RYR3: variants seen among roughly 807,000 people sequenced by gnomAD.
The protein encoded by RYR3 is brain ryanodine receptor-calcium release channel.
RYR3 carries 207 observed loss-of-function variants against 584.3 expected under a neutral mutation model. The ratio of observed to expected loss-of-function variants is 0.35; its 90% CI spans 0.32 to 0.40. The LOEUF (loss-of-function observed/expected upper bound fraction) is 0.40, where lower values mean the gene tolerates loss of function less well. Among genes scored for constraint, RYR3 ranks in the 10% least tolerant of loss-of-function variants. The pLI is 1.00. For missense variants in RYR3, 5,616 were observed against 6,089.2 expected (o/e 0.92, Z 2.59); for synonymous variants, 2,416 against 2,248.5 (o/e 1.07, Z -2.11).
intron 49 of RYR3, among the ~76,000 whole-genome samples, chr15:33,737,526 A>C (rs1047787190): frequency 2.0e-5 from 3 of 152,202 alleles, no homozygotes; most frequent in African/African-American, 7.2e-5. Context: ...GCAGCATTTT[A>C]CTGTGCTAAC....
intron 21 of RYR3, 81 bp downstream of exon 21, chr15:33,628,656 T>C: frequency 1.2e-6 from 1 of 868,460 alleles, no homozygotes; most frequent in South Asian, 1.4e-5. Context: ...GCATGCCTAG[T>C]TTTCATTGCA....
At chr15:33,350,589 A>G (rs534555347) in intron 1 of RYR3, among the ~76,000 whole-genome samples, 1,751 of 152,002 alleles carry the variant, frequency 0.012, 19 homozygotes, top group Non-Finnish European at 0.019. Flanking sequence ...TCAAACTAGA[A>G]CTCAGGATTA....
At chr15:33,472,431 G>A in intron 1 of RYR3, among the ~76,000 whole-genome samples, 1 of 152,232 alleles carries the variant, frequency 6.6e-6, no homozygotes, top group East Asian at 1.9e-4. Flanking sequence ...TGACACTGAA[G>A]GACATGGAGG....
intron 1 of RYR3, among the ~76,000 whole-genome samples, chr15:33,413,724 C>G (rs1243079077): frequency 6.6e-6 from 1 of 152,242 alleles, no homozygotes; most frequent in Non-Finnish European, 1.5e-5. Context: ...CTGTTCCCCC[C>G]CGCTCAGCTC....
chr15:33,714,337 A>G (rs1236790892), intron 43 of RYR3, among the ~76,000 whole-genome samples: 2 of 152,220 alleles, frequency 1.3e-5, no homozygotes, highest in African/African-American at 2.4e-5. Flanking sequence ...TTAATTTACT[A>G]TTATTTCTTA....
chr15:33,456,035 TTC>T (rs1216825531), intron 1 of RYR3, among the ~76,000 whole-genome samples: 1 of 152,226 alleles, frequency 6.6e-6, no homozygotes, highest in African/African-American at 2.4e-5. Context: ...TAGTTCTGTA[TTC>T]TGTGTGTGAA....
chr15:33,858,967 TC>T (rs980240107), intron 99 of RYR3: 2 of 152,718 alleles, frequency 1.3e-5, no homozygotes, highest in African/African-American at 4.8e-5. Context: ...CAGCGTGTCT[TC>T]AGGCTGCCCC....
At chr15:33,524,127 C>G (rs979221339) in intron 3 of RYR3, among the ~76,000 whole-genome samples, 1 of 152,188 alleles carries the variant, frequency 6.6e-6, no homozygotes, top group Non-Finnish European at 1.5e-5. Context: ...CCTACACACA[C>G]ATACACACAC....
In RYR3 at chr15:33,601,506, C is replaced by T. The variant is rs760906719; in HGVS notation, c.1876C>T (p.Arg626Trp). Residue 626 changes from arginine to tryptophan, a missense_variant, in exon 17 of 104, where the codon CGG becomes TGG. Around this residue, in one of 9 missense-constraint regions of RYR3, gnomAD observed 1,284 missense variants for 1,344.6 expected, o/e 0.95. Transcript: ENST00000634891. ...QNLICDNLLPRRNLLLQTRLI... is the reference protein window; with the variant it reads ...QNLICDNLLPWRNLLLQTRLI... ...TCTGATCTGTGACAACTTGCTGCCC[C>T]GGAGAAACCTACTCCTGCAGACACG... is the stretch of plus-strand genomic sequence containing the variant. 6.7e-5 allele frequency: 108 copies of T among 1,613,548 alleles called. No individual in the cohort carries two copies. The East Asian group carries it at 1.4e-3, about 21-fold the overall frequency.
intron 49 of RYR3, among the ~76,000 whole-genome samples, chr15:33,738,136 A>G (rs561905620): frequency 5.3e-5 from 8 of 152,286 alleles, no homozygotes; most frequent in Admixed American, 2.0e-4. Context: ...CACAGTGGCT[A>G]CTTTCAGAAG....
intron 10 of RYR3, among the ~76,000 whole-genome samples, chr15:33,553,282 GAGT>G (rs1269392234): frequency 2.0e-5 from 3 of 152,160 alleles, no homozygotes; most frequent in South Asian, 2.1e-4. Flanking sequence ...GCTGGGCCGT[GAGT>G]CATTTGGTAA....
chr15:33,821,852 C>T lies in RYR3; in HGVS notation c.10995+250C>T, dbSNP rs2077124322. On this transcript the variant is annotated intron_variant, in intron 80 of 103. Transcript: ENST00000634891. ...AAGATAAAAACATTTAGTTTTTCAT[C>T]AGTAGATAACTTTCTGTATAAATAT... Among the ~76,000 whole-genome samples, 3 of 152,306 alleles carry T rather than the reference C, an allele frequency of 2.0e-5. No individual in the cohort carries two copies. The South Asian group carries it at 6.2e-4, about 32-fold the overall frequency.
At position 33,579,977 on chromosome 15, in the gene RYR3, G is replaced by A. The variant is rs775559281; in HGVS notation, c.1270G>A (p.Gly424Arg). The A allele has an allele frequency of 2.5e-6, 4 of 1,605,718 alleles. No individual in the cohort carries two copies. Among genetic ancestry groups the A allele is most frequent in the East Asian group, 2.2e-5 (1 of 44,630 alleles). Residue 424 changes from glycine (G) to arginine (R), a missense_variant and splice_region_variant, in exon 13 of 104, where the codon GGA becomes AGA. Coordinates refer to ENST00000634891, the MANE Select transcript of RYR3 (RefSeq NM_001036.6). ...TTALFSQFVS[G>R]NNRTAAPITL... ...CCATGTCAATCTCATGGTTTTTAGC[G>A]GAAACAATCGCACAGCTGCCCCCAT...
intron 12 of RYR3, among the ~76,000 whole-genome samples, chr15:33,572,658 TACACACACAC>T (rs57835355): frequency 1.6e-5 from 2 of 124,504 alleles, no homozygotes; most frequent in South Asian, 2.7e-4. Context: ...AAACTATATA[TACACACACAC>T]ACACACACAC....
chr15:33,540,964 T>C, intron 7 of RYR3, 74 bp downstream of exon 7: 1 of 944,438 alleles, frequency 1.1e-6, no homozygotes, highest in East Asian at 2.4e-5. Flanking sequence ...CATTTTCTGC[T>C]ACTTCCCAGA....
intron 1 of RYR3, among the ~76,000 whole-genome samples, chr15:33,340,549 G>A (rs891870651): frequency 8.5e-5 from 13 of 152,070 alleles, no homozygotes; most frequent in African/African-American, 2.2e-4. Context: ...TCAAGGTGTC[G>A]GCAGGTTTAG....
chr15:33,768,242 T>A (rs553370483), intron 60 of RYR3, among the ~76,000 whole-genome samples: 2 of 152,186 alleles, frequency 1.3e-5, no homozygotes, highest in African/African-American at 4.8e-5. Flanking sequence ...ATACCCTCAA[T>A]GGAAGGCTAC....
At chr15:33,452,918 G>C (rs1167122806) in intron 1 of RYR3, among the ~76,000 whole-genome samples, 1 of 152,196 alleles carries the variant, frequency 6.6e-6, no homozygotes, top group Non-Finnish European at 1.5e-5. Context: ...ACAGCAATCT[G>C]TTAGGGTCAA....
intron 50 of RYR3, 79 bp from the exon 51 acceptor site, chr15:33,739,753 T>G (rs2069884766): frequency 8.2e-7 from 1 of 1,225,844 alleles, no homozygotes. Context: ...ATTTCTGTTT[T>G]CAGCTGATTG....
Sources: gnomAD v4.1 joint callset for allele counts (sites outside exome capture counted in the v4.1 genomes callset) on GRCh38, gnomAD v4.1.1 for gene constraint, gnomAD v4.1.1 regional missense constraint, MANE v1.5 for transcripts, NCBI Gene and HGNC (gene_info 2026-07-23, HGNC 2026-07-21) for gene names.